MN1: variants seen among roughly 807,000 people sequenced by gnomAD.
MN1 encodes the protein MN1 proto-oncogene, transcriptional regulator.
Under a neutral mutation model 86.9 loss-of-function variants are expected in MN1, and 19 were observed. That is an observed-to-expected ratio of 0.22 (90% CI 0.15 to 0.32). The LOEUF is 0.32. MN1 is among the 10% of genes least tolerant of loss of function. MN1 has a pLI of 1.00. For synonymous variants in MN1, 928 were observed against 849.6 expected (o/e 1.09, Z -1.60); for missense variants, 1,841 against 1,862.0 (o/e 0.99, Z 0.21).
intron 1 of MN1, among the ~76,000 whole-genome samples, chr22:27,788,008 A>G (rs1180104595): frequency 6.6e-6 from 1 of 152,182 alleles, no homozygotes; most frequent in East Asian, 1.9e-4. Context: ...CTTGGGCAAG[A>G]ACCTTCTGTC....
Position 27,797,261 on chromosome 22 carries a change from C to A in MN1, c.3283G>T (p.Gly1095Ter). The change falls in exon 1 of 2, where the codon GGA (glycine) becomes TGA (stop). Residue 1095 changes from glycine (G) to a stop codon, truncating the protein, a stop_gained. Transcript: ENST00000302326. LOFTEE classifies it high-confidence loss of function. Reference sequence around the variant, plus strand: ...AGGGCGGGCGGGGGCGCCTTCGGTCCGTGTTCCCCGGCGCCTACCCCACGG... The same window carrying A: ...AGGGCGGGCGGGGGCGCCTTCGGTCAGTGTTCCCCGGCGCCTACCCCACGG... ...PPRGVGAGEHGPKAPPPALGL... is the reference protein window; with the variant it reads ...PPRGVGAGEH The A allele has an allele frequency of 6.3e-7, 1 of 1,585,192 alleles. No individual in the cohort carries two copies. Among genetic ancestry groups the A allele is most frequent in the Non-Finnish European group, 8.5e-7 (1 of 1,172,654 alleles).
In MN1 at chr22:27,796,956, G is replaced by C. The variant is rs759489319; in HGVS notation, c.3588C>G (p.Asp1196Glu). 2.7e-5 allele frequency: 44 copies of C among 1,612,310 alleles called. No homozygotes were observed. In the South Asian group the frequency reaches 4.7e-4, roughly 17 times the overall value. The change falls in exon 1 of 2, where the codon GAC becomes GAG. Residue 1196 changes from aspartate (D) to glutamate (E), a missense_variant. Coordinates refer to ENST00000302326, the MANE Select transcript of MN1 (RefSeq NM_002430.3). ...CGGAGCAGCAGCTGCCCAGCTCGCT[G>C]TCGCCATTCTGCGCCCCTGAGGCCC... ...AVGASGAQNG[D>E]SELGSCCSEA...
intron 1 of MN1, among the ~76,000 whole-genome samples, chr22:27,791,213 G>A (rs935806820): frequency 2.0e-5 from 3 of 152,074 alleles, no homozygotes; most frequent in African/African-American, 7.2e-5. Context: ...CACCTCAGCT[G>A]TGCTCTTTCG....
intron 1 of MN1, among the ~76,000 whole-genome samples, chr22:27,779,256 C>T (rs756650976): frequency 1.3e-5 from 2 of 152,266 alleles, no homozygotes; most frequent in African/African-American, 2.4e-5. Flanking sequence ...CCAGCTATAC[C>T]GGCAGGCGCT....
At position 27,798,407 on chromosome 22, in the gene MN1, G is replaced by T; in HGVS notation, c.2137C>A (p.Gln713Lys). The T allele has an allele frequency of 6.5e-7, 1 of 1,528,152 alleles. No individual in the cohort carries two copies. Among genetic ancestry groups the T allele is most frequent in the East Asian group, 2.5e-5 (1 of 40,002 alleles). The allele number at this position is 1,528,152 out of a possible 1,614,324, so 94.7% of individuals were successfully genotyped here. A position where few individuals can be genotyped will look rare whatever the true frequency, so the allele number is the denominator to read the frequency against. Residue 713 changes from glutamine to lysine, a missense_variant, in exon 1 of 2, where the codon CAG becomes AAG. Physicochemically the swap from Gln to Lys is moderately conservative, Grantham distance 53 (BLOSUM62 1). Transcript: ENST00000302326. ...AGCCCCACGCCCGCCCCGGGCGACT[G>T]CAGCTGACCCAGGCCTCCCAGACTG... The part of the protein sequence containing the change: ...GGSLGGLGQL[Q>K]SPGAGVGLPS...
At chr22:27,773,155 C>G (rs1448035347) in intron 1 of MN1, among the ~76,000 whole-genome samples, 1 of 151,856 alleles carries the variant, frequency 6.6e-6, no homozygotes, top group African/African-American at 2.4e-5. Context: ...GAGGCTCCCC[C>G]GAGACACCAA....
chr22:27,752,514 G>A (rs747990982), intron 1 of MN1, among the ~76,000 whole-genome samples: 6 of 152,124 alleles, frequency 3.9e-5, no homozygotes, highest in Admixed American at 6.5e-5. Flanking sequence ...AGATCACAGG[G>A]ATGTCTGTGT....
chr22:27,750,013 C>T lies in MN1; in HGVS notation c.*902G>A, dbSNP rs2060721588. On this transcript the variant is annotated 3_prime_UTR_variant, in exon 2 of 2. Coordinates refer to ENST00000302326, the MANE Select transcript of MN1 (RefSeq NM_002430.3). The stretch of plus-strand genomic sequence containing the variant: ...AGACTGCAGGCTGGGAGCACACCAT[C>T]CCCCATGCAGACCAAAGGCTGCTTA... 1 of 232,432 alleles carries T rather than the reference C, an allele frequency of 4.3e-6. No homozygotes were observed. The highest frequency in any genetic ancestry group is 8.5e-6 in the Non-Finnish European group (1 of 117,498). The allele number at this position is 232,432 out of a possible 1,614,324, so 14.4% of individuals were successfully genotyped here.
At chr22:27,784,388 C>A (rs972800238) in intron 1 of MN1, among the ~76,000 whole-genome samples, 5 of 152,210 alleles carry the variant, frequency 3.3e-5, no homozygotes, top group African/African-American at 2.4e-5. Context: ...TGTGGATGGA[C>A]TGTCAAAAAA....
intron 1 of MN1, among the ~76,000 whole-genome samples, chr22:27,785,735 G>A (rs1933123056): frequency 8.2e-6 from 1 of 121,778 alleles, no homozygotes; most frequent in African/African-American, 2.8e-5. Flanking sequence ...GCTGATACAG[G>A]TAACAGGTGT....
rs773038750 is a variant in MN1 at position 27,800,413 on chromosome 22, G to A, written c.131C>T (p.Pro44Leu). 1 of 1,614,150 alleles carries A rather than the reference G, an allele frequency of 6.2e-7. No homozygotes were observed. The highest frequency in any genetic ancestry group is 1.1e-5 in the South Asian group (1 of 91,084). Residue 44 changes from proline to leucine, a missense_variant, in exon 1 of 2, where the codon CCC (proline) becomes CTC (leucine). Physicochemically the swap from Pro to Leu is moderately conservative, Grantham distance 98. Transcript: ENST00000302326. ...CATAGCAGGATCCACAGGGCCAGGG[G>A]GCCCCCCAGTGTGGAAAGCCGGGGC... ...FKAPAFHTGG[P>L]PGPVDPAMSA...
intron 1 of MN1, among the ~76,000 whole-genome samples, chr22:27,754,296 TA>T (rs1932788556): frequency 1.3e-5 from 2 of 152,266 alleles, no homozygotes; most frequent in South Asian, 2.1e-4. Flanking sequence ...CTGTTCTTAT[TA>T]GGGGTGGATT....
chr22:27,800,819 C>G lies in MN1; in HGVS notation c.-276G>C. 5.2e-6 allele frequency: 2 copies of G among 387,370 alleles called. No individual in the cohort carries two copies. The highest frequency in any genetic ancestry group is 3.8e-5 in the South Asian group (1 of 25,996). 24.0% of individuals were successfully genotyped at this position (387,370 alleles called of 1,614,324 possible). ...CGTGTTGGGGGGCCCATGCCCCGGGCGGTTGTCACAGCCGCGGGTGGGTCT... is the reference window on the plus strand; with the variant it reads ...CGTGTTGGGGGGCCCATGCCCCGGGGGGTTGTCACAGCCGCGGGTGGGTCT... On this transcript the variant is annotated 5_prime_UTR_variant, in exon 1 of 2. Coordinates refer to ENST00000302326, the MANE Select transcript of MN1 (RefSeq NM_002430.3).
intron 1 of MN1, among the ~76,000 whole-genome samples, chr22:27,772,235 A>G (rs943416067): frequency 6.6e-6 from 1 of 152,146 alleles, no homozygotes; most frequent in African/African-American, 2.4e-5. Flanking sequence ...GGCTGGGCCA[A>G]CTCAGCCCTT....
intron 1 of MN1, among the ~76,000 whole-genome samples, chr22:27,788,749 A>G (rs766620623): frequency 7.2e-5 from 11 of 151,798 alleles, no homozygotes; most frequent in Non-Finnish European, 1.5e-4. Context: ...GGAGGGGTTC[A>G]CTTATTAACT....
Position 27,749,815 on chromosome 22 carries a change from G to A in MN1, c.*1100C>T, listed in dbSNP as rs542504822. 4.3e-6 allele frequency: 1 copy of A among 231,484 alleles called. No homozygotes were observed. The highest frequency in any genetic ancestry group is 6.1e-5 in the East Asian group (1 of 16,366). The allele number at this position is 231,484 out of a possible 1,614,324, so 14.3% of individuals were successfully genotyped here. A position where few individuals can be genotyped will look rare whatever the true frequency, so the allele number is the denominator to read the frequency against. On this transcript the variant is annotated 3_prime_UTR_variant, in exon 2 of 2. Coordinates refer to ENST00000302326, the MANE Select transcript of MN1 (RefSeq NM_002430.3). ...AGGGTGCCTCATCCCTCCCAGGGGTGGGGTTGCCCAGGCTGGACTGGGGAT... is the reference window on the plus strand; with the variant it reads ...AGGGTGCCTCATCCCTCCCAGGGGTAGGGTTGCCCAGGCTGGACTGGGGAT...
chr22:27,800,496 A>G lies in MN1; in HGVS notation c.48T>C (p.Ala16=). The G allele has an allele frequency of 6.2e-7, 1 of 1,614,206 alleles. No homozygotes were observed. Among genetic ancestry groups the G allele is most frequent in the Non-Finnish European group, 8.5e-7 (1 of 1,180,030 alleles). The part of the protein sequence containing the change: ...QFEPQVNSRN[A]GQGERNFNET... ...CGTTAAAGTTCCTCTCGCCCTGGCC[A>G]GCGTTCCTGCTGTTGACCTGGGGCT... is the stretch of plus-strand genomic sequence containing the variant. Residue 16 remains alanine, a synonymous_variant, in exon 1 of 2, where the codon GCT becomes GCC. Coordinates refer to ENST00000302326, the MANE Select transcript of MN1 (RefSeq NM_002430.3).
chr22:27,795,336 C>G (rs1933276078), intron 1 of MN1, among the ~76,000 whole-genome samples: 1 of 152,096 alleles, frequency 6.6e-6, no homozygotes, highest in Admixed American at 6.6e-5. Context: ...AAGTTCTGAA[C>G]CACCCAACTC....
chr22:27,785,192 A>T (rs930474858), intron 1 of MN1, among the ~76,000 whole-genome samples: 7 of 152,226 alleles, frequency 4.6e-5, no homozygotes, highest in African/African-American at 1.7e-4. Context: ...CCAAGATAGT[A>T]ATACTGCTAT....
Sources: gnomAD v4.1 joint callset for allele counts (sites outside exome capture counted in the v4.1 genomes callset) on GRCh38, gnomAD v4.1.1 for gene constraint, MANE v1.5 for transcripts, NCBI Gene and HGNC (gene_info 2026-07-23, HGNC 2026-07-21) for gene names.